Variants in MAST4 observed in about 807,000 individuals in gnomAD.
The protein encoded by MAST4 is microtubule associated serine/threonine kinase family member 4, also known as microtubule-associated serine/threonine-protein kinase 4.
Under a neutral mutation model 162.7 loss-of-function variants are expected in MAST4, and 89 were observed. The observed-to-expected ratio is 0.55, with a 90% CI of 0.46 to 0.65. The LOEUF (loss-of-function observed/expected upper bound fraction) is 0.65. Among genes scored for constraint, MAST4 ranks in the 30% least tolerant of loss-of-function variants. The probability of loss-of-function intolerance (pLI) is 0.00; values close to 1 mark genes in which losing one functional copy is unlikely to be tolerated. For missense variants in MAST4, 3,153 were observed against 3,374.0 expected (o/e 0.93, Z 1.62); for synonymous variants, 1,479 against 1,361.1 (o/e 1.09, Z -1.91).
At chr5:66,597,872 T>A (rs980724559) in intron 1 of MAST4, among the ~76,000 whole-genome samples, 6 of 152,052 alleles carry the variant, frequency 3.9e-5, no homozygotes, top group African/African-American at 1.5e-4. Context: ...TGTACAATTC[T>A]TCACGTCTCA....
At chr5:67,038,680 T>C (rs1756339935) in intron 4 of MAST4, among the ~76,000 whole-genome samples, 1 of 152,212 alleles carries the variant, frequency 6.6e-6, no homozygotes, top group Non-Finnish European at 1.5e-5. Context: ...TCTTATACAT[T>C]ATTTTAAAAT....
chr5:66,755,785 C>T (rs1450221381), intron 1 of MAST4, among the ~76,000 whole-genome samples: 1 of 151,588 alleles, frequency 6.6e-6, no homozygotes, highest in Non-Finnish European at 1.5e-5. Context: ...AGTGAGAACA[C>T]TTAAATCTAC....
At chr5:66,872,329 C>T (rs936007899) in intron 3 of MAST4, among the ~76,000 whole-genome samples, 6 of 152,094 alleles carry the variant, frequency 3.9e-5, no homozygotes, top group Non-Finnish European at 4.4e-5. Context: ...GCCACCATGC[C>T]TGGCTAATTT....
intron 4 of MAST4, among the ~76,000 whole-genome samples, chr5:66,969,628 A>G (rs1290687144): frequency 6.6e-6 from 1 of 152,038 alleles, no homozygotes; most frequent in African/African-American, 2.4e-5. Context: ...TGGAAAGGTT[A>G]CTGGGTATCC....
chr5:67,120,717 C>T, intron 13 of MAST4, among the ~76,000 whole-genome samples: 1 of 152,046 alleles, frequency 6.6e-6, no homozygotes, highest in East Asian at 1.9e-4. Context: ...GAGTTAAATT[C>T]CAAAATGTTA....
intron 1 of MAST4, among the ~76,000 whole-genome samples, chr5:66,630,034 C>T (rs1744695332): frequency 6.6e-6 from 1 of 151,988 alleles, no homozygotes; most frequent in Non-Finnish European, 1.5e-5. Flanking sequence ...TAAGAAAAGA[C>T]CATACTAGGG....
chr5:66,825,129 T>A (rs1757178198), intron 3 of MAST4, among the ~76,000 whole-genome samples: 1 of 152,254 alleles, frequency 6.6e-6, no homozygotes, highest in African/African-American at 2.4e-5. Context: ...TTAAAAACTT[T>A]TAAATTCTTT....
chr5:66,688,141 T>C (rs1212048610), intron 1 of MAST4, among the ~76,000 whole-genome samples: 1 of 152,196 alleles, frequency 6.6e-6, no homozygotes, highest in Non-Finnish European at 1.5e-5. Context: ...GATTTGGCTT[T>C]TTAGCACACT....
At position 67,165,616 on chromosome 5, in the gene MAST4, C is replaced by T. The variant is rs373901829; in HGVS notation, c.6437C>T (p.Pro2146Leu). The T allele has an allele frequency of 4.3e-5, 70 of 1,613,238 alleles. No homozygotes were observed. In the African/African-American group the frequency reaches 7.6e-4, roughly 18 times the overall value. Reference sequence around the variant, plus strand: ...CTGACGGCCAAAGACCTGTCCAGCCCGGCTGCCAGGCAGCATTGCAGTTCC... The same window carrying T: ...CTGACGGCCAAAGACCTGTCCAGCCTGGCTGCCAGGCAGCATTGCAGTTCC... ...PPLTAKDLSS[P>L]AARQHCSSPS... The change falls in exon 29 of 29, where the codon CCG (proline) becomes CTG (leucine). Residue 2146 changes from proline (P) to leucine (L), a missense_variant. By Grantham distance (98) the Pro-to-Leu change is moderately conservative (BLOSUM62 -3). Transcript: ENST00000403625.
At chr5:66,794,206 C>T (rs1426184006) in intron 3 of MAST4, among the ~76,000 whole-genome samples, 1 of 152,186 alleles carries the variant, frequency 6.6e-6, no homozygotes, top group African/African-American at 2.4e-5. Flanking sequence ...AAGCTGTAAT[C>T]ATTCAGTTAG....
intron 4 of MAST4, among the ~76,000 whole-genome samples, chr5:67,024,176 C>A (rs1302967273): frequency 2.0e-5 from 3 of 150,360 alleles, no homozygotes; most frequent in African/African-American, 7.3e-5. Context: ...TTGTGGCTTG[C>A]TTATTTCACT....
chr5:66,838,332 A>T (rs1256540265), intron 3 of MAST4, among the ~76,000 whole-genome samples: 1 of 152,108 alleles, frequency 6.6e-6, no homozygotes, highest in Non-Finnish European at 1.5e-5. Context: ...TTGTGAATGT[A>T]TGTGCTTTTT....
At chr5:67,091,988 C>T (rs1328377268) in intron 6 of MAST4, among the ~76,000 whole-genome samples, 1 of 152,130 alleles carries the variant, frequency 6.6e-6, no homozygotes, top group African/African-American at 2.4e-5. Flanking sequence ...TTCAAGTAAA[C>T]AGAACCCTGT....
At chr5:66,624,486 T>A (rs1235009668) in intron 1 of MAST4, among the ~76,000 whole-genome samples, 1 of 151,934 alleles carries the variant, frequency 6.6e-6, no homozygotes. Flanking sequence ...AAACAACAGA[T>A]TCAAAGTAAT....
intron 4 of MAST4, among the ~76,000 whole-genome samples, chr5:66,906,626 T>G (rs1416281867): frequency 1.3e-5 from 2 of 152,260 alleles, no homozygotes; most frequent in South Asian, 4.1e-4. Flanking sequence ...CTCACTGAAA[T>G]GTATGTACCT....
chr5:66,835,939 G>T (rs1757937014), intron 3 of MAST4, among the ~76,000 whole-genome samples: 1 of 152,130 alleles, frequency 6.6e-6, no homozygotes, highest in Non-Finnish European at 1.5e-5. Context: ...GGAGGCCGAG[G>T]TGGGCGGATT....
At chr5:67,049,080 C>CGTGTATATATATATATACGTATAT (rs1757854748) in intron 4 of MAST4, among the ~76,000 whole-genome samples, 2 of 82,914 alleles carry the variant, frequency 2.4e-5, no homozygotes. Context: ...TATATATATA[C>CGTGTATATATATATATACGTATAT]ACTACCATAC....
At chr5:67,016,247 T>A (rs1414268104) in intron 4 of MAST4, among the ~76,000 whole-genome samples, 1 of 152,114 alleles carries the variant, frequency 6.6e-6, no homozygotes, top group Admixed American at 6.5e-5. Context: ...ATTATACAGA[T>A]GAAAAAATTG....
intron 3 of MAST4, among the ~76,000 whole-genome samples, chr5:66,794,011 A>G (rs1355987523): frequency 1.3e-5 from 2 of 152,196 alleles, no homozygotes; most frequent in Non-Finnish European, 2.9e-5. Context: ...TGCTCAGTGA[A>G]CTTGTTGAAT....
Sources: allele counts gnomAD v4.1 joint callset (sites outside exome capture counted in the v4.1 genomes callset), GRCh38; gene constraint gnomAD v4.1.1; transcripts MANE v1.5; gene names NCBI Gene and HGNC (gene_info 2026-07-23, HGNC 2026-07-21).